Variants in SLC16A7 observed in about 807,000 individuals in gnomAD.
SLC16A7 encodes solute carrier family 16 member 7, also known as monocarboxylate transporter 2.
Under a neutral mutation model 34.9 loss-of-function variants are expected in SLC16A7, and 33 were observed. The observed-to-expected ratio is 0.94, with a 90% CI of 0.72 to 1.26. The LOEUF (loss-of-function observed/expected upper bound fraction) is 1.26, where lower values mean the gene tolerates loss of function less well. Ranked by LOEUF, SLC16A7 falls within the 50% of genes most tolerant of loss-of-function variation. The probability of loss-of-function intolerance (pLI) is 0.00; values close to 1 mark genes in which losing one functional copy is unlikely to be tolerated. For synonymous variants in SLC16A7, 201 were observed against 206.6 expected (o/e 0.97, Z 0.23); for missense variants, 573 against 578.1 (o/e 0.99, Z 0.09).
rs978518665 is a variant in SLC16A7, at chr12:59,789,840, A to C, written c.*10161A>C. On this transcript the variant is annotated 3_prime_UTR_variant, in exon 6 of 6. Coordinates refer to ENST00000547379, the MANE Select transcript of SLC16A7 (RefSeq NM_001270623.2). ...AATTAAAATAAAAAAATTCATGTTA[A>C]ATTTTTGAAATGAAATCTATACTAC... 3 of 152,120 alleles carry C rather than the reference A, an allele frequency of 2.0e-5. No homozygotes were observed. Among genetic ancestry groups the C allele is most frequent in the Non-Finnish European group, 2.9e-5 (2 of 68,012 alleles). The allele number at this position is 152,120 out of a possible 1,614,324, so 9.4% of individuals were successfully genotyped here. A position where few individuals can be genotyped will look rare whatever the true frequency, so the allele number is the denominator to read the frequency against.
intron 2 of SLC16A7, among the ~76,000 whole-genome samples, chr12:59,698,894 T>G (rs1366046103): frequency 6.6e-6 from 1 of 151,710 alleles, no homozygotes; most frequent in Non-Finnish European, 1.5e-5. Flanking sequence ...TAGCAATACC[T>G]AATGAGTTAG....
At chr12:59,739,645 T>G (rs1382963910) in intron 3 of SLC16A7, among the ~76,000 whole-genome samples, 1 of 151,222 alleles carries the variant, frequency 6.6e-6, no homozygotes, top group African/African-American at 2.4e-5. Flanking sequence ...GTTGAACTAG[T>G]TTACAGTCCC....
In SLC16A7 at chr12:59,665,334, A is replaced by G. The variant is rs1175091632; in HGVS notation, c.-31+10084A>G. Among the ~76,000 whole-genome samples the G allele has an allele frequency of 2.6e-5, 4 of 152,174 alleles. No individual in the cohort carries two copies. The East Asian group carries it at 5.8e-4, about 22-fold the overall frequency. ...ATTGACATTCTGAAAATAAGACTAA[A>G]TGTTTAATCACTAAAATTATTTGTA... is the stretch of plus-strand genomic sequence containing the variant. On this transcript the variant is annotated intron_variant, in intron 2 of 5. Coordinates refer to ENST00000547379, the MANE Select transcript of SLC16A7 (RefSeq NM_001270623.2).
intron 4 of SLC16A7, among the ~76,000 whole-genome samples, chr12:59,773,477 T>C (rs1221372524): frequency 6.6e-6 from 1 of 152,122 alleles, no homozygotes; most frequent in Admixed American, 6.6e-5. Context: ...AACTCTTACC[T>C]CTCTAGCCCC....
At chr12:59,687,423 G>T (rs915433650) in intron 2 of SLC16A7, among the ~76,000 whole-genome samples, 8 of 152,120 alleles carry the variant, frequency 5.3e-5, no homozygotes, top group Non-Finnish European at 1.2e-4. Context: ...TACATTTTCT[G>T]CATTTGAAGA....
intron 1 of SLC16A7, among the ~76,000 whole-genome samples, chr12:59,653,514 T>G (rs1388015377): frequency 6.6e-6 from 1 of 151,620 alleles, no homozygotes; most frequent in East Asian, 1.9e-4. Context: ...ATGTTATATT[T>G]TAAAAATATT....
intron 3 of SLC16A7, among the ~76,000 whole-genome samples, chr12:59,722,792 C>T (rs1875762015): frequency 6.6e-6 from 1 of 151,758 alleles, no homozygotes; most frequent in African/African-American, 2.4e-5. Context: ...ATGTTTTTTT[C>T]TCCATAACAC....
chr12:59,637,109 A>G (rs1880464086), intron 1 of SLC16A7, among the ~76,000 whole-genome samples: 1 of 152,262 alleles, frequency 6.6e-6, no homozygotes, highest in South Asian at 2.1e-4. Flanking sequence ...CTTAGTAGAA[A>G]GATTATCTTT....
Position 59,692,708 on chromosome 12 carries a change from A to G in SLC16A7, c.-30-12064A>G, listed in dbSNP as rs374874451. ...CCCTTATTGCCAGTTAGCATTCTCA[A>G]AGTCATTTAACCACCGCAATAGTGT... is the stretch of plus-strand genomic sequence containing the variant. On this transcript the variant is annotated intron_variant, in intron 2 of 5. Coordinates refer to ENST00000547379, the MANE Select transcript of SLC16A7 (RefSeq NM_001270623.2). 1.4e-3 allele frequency among the ~76,000 whole-genome samples: 211 copies of G among 152,076 alleles called. 1 individual carries two copies. The highest frequency in any genetic ancestry group is 6.8e-3 in the Middle Eastern group (2 of 294).
chr12:59,626,934 T>A (rs185320423), intron 1 of SLC16A7, among the ~76,000 whole-genome samples: 58 of 152,046 alleles, frequency 3.8e-4, no homozygotes, highest in Admixed American at 1.8e-3. Flanking sequence ...GAGACATTTG[T>A]AAATATTTGT....
At chr12:59,671,351 A>G (rs140950025) in intron 2 of SLC16A7, among the ~76,000 whole-genome samples, 51 of 152,262 alleles carry the variant, frequency 3.3e-4, no homozygotes, top group Non-Finnish European at 5.6e-4. Flanking sequence ...ATGAATATGT[A>G]TACTTTAGTT....
chr12:59,604,677 G>A (rs1878851121), intron 1 of SLC16A7, among the ~76,000 whole-genome samples: 1 of 152,094 alleles, frequency 6.6e-6, no homozygotes, highest in Non-Finnish European at 1.5e-5. Flanking sequence ...TTTACAGATG[G>A]GCAGAGTAGA....
At chr12:59,747,526 G>T (rs1041878167) in intron 3 of SLC16A7, among the ~76,000 whole-genome samples, 1 of 152,070 alleles carries the variant, frequency 6.6e-6, no homozygotes, top group Admixed American at 6.6e-5. Context: ...TAGAACTTGT[G>T]ATCTTAACTT....
chr12:59,771,462 A>G, intron 4 of SLC16A7, 100 bp downstream of exon 4: 12 of 862,538 alleles, frequency 1.4e-5, no homozygotes, highest in Non-Finnish European at 2.0e-5. Flanking sequence ...CTTTGAATTT[A>G]TTTTTTTATA....
chr12:59,676,746 G>A (rs956425753), intron 2 of SLC16A7, among the ~76,000 whole-genome samples: 2 of 151,988 alleles, frequency 1.3e-5, no homozygotes, highest in African/African-American at 4.8e-5. Context: ...TTCCTTCCTA[G>A]AGTATTTGTA....
intron 3 of SLC16A7, among the ~76,000 whole-genome samples, chr12:59,765,249 T>C (rs1436931312): frequency 6.6e-6 from 1 of 152,074 alleles, no homozygotes; most frequent in Admixed American, 6.6e-5. Flanking sequence ...GTCAGATGAG[T>C]AGGTTGCAAA....
rs578258430 is a variant in SLC16A7 at position 59,674,126 on chromosome 12, A to T, written c.-31+18876A>T. On this transcript the variant is annotated intron_variant, in intron 2 of 5. Transcript: ENST00000547379. ...TGTTGAATTAACATTTCTCTTTTGCATTATGTTGCATAATATTTATGTAAT... is the reference window on the plus strand; with the variant it reads ...TGTTGAATTAACATTTCTCTTTTGCTTTATGTTGCATAATATTTATGTAAT... Among the ~76,000 whole-genome samples the T allele has an allele frequency of 2.0e-5, 3 of 152,286 alleles. No homozygotes were observed. In the East Asian group the frequency reaches 5.8e-4, roughly 29 times the overall value.
chr12:59,651,318 T>C (rs1413133248), intron 1 of SLC16A7, among the ~76,000 whole-genome samples: 2 of 152,158 alleles, frequency 1.3e-5, no homozygotes, highest in African/African-American at 4.8e-5. Flanking sequence ...AAGCTTATTG[T>C]CCTAGTGTTT....
chr12:59,613,447 T>C (rs930525771), intron 1 of SLC16A7, among the ~76,000 whole-genome samples: 2 of 152,208 alleles, frequency 1.3e-5, no homozygotes, highest in Non-Finnish European at 2.9e-5. Context: ...ATACCATCAC[T>C]TTGGGAGTTA....
Sources: gnomAD v4.1 joint callset for allele counts (sites outside exome capture counted in the v4.1 genomes callset) on GRCh38, gnomAD v4.1.1 for gene constraint, MANE v1.5 for transcripts, NCBI Gene and HGNC (gene_info 2026-07-23, HGNC 2026-07-21) for gene names.